NF1: variants seen among roughly 807,000 people sequenced by gnomAD.
NF1 encodes the protein neurofibromin 1, also known as neurofibromin.
NF1 carries 122 observed loss-of-function variants against 325.7 expected under a neutral mutation model. The observed-to-expected ratio is 0.37, with a 90% CI of 0.32 to 0.44. The LOEUF (loss-of-function observed/expected upper bound fraction) is 0.44. Among genes scored for constraint, NF1 ranks in the 20% least tolerant of loss-of-function variants. NF1 has a pLI of 1.00. For synonymous variants in NF1, 1,091 were observed against 1,186.0 expected, an observed-to-expected ratio of 0.92 and a Z score of 1.65; for missense variants, 2,140 against 3,415.4, an observed-to-expected ratio of 0.63 and a Z score of 9.31.
chr17:31,235,223 T>C (rs917192866), intron 27 of NF1, among the ~76,000 whole-genome samples: 2 of 152,208 alleles, frequency 1.3e-5, no homozygotes, highest in African/African-American at 2.4e-5. Context: ...ACTCTTCTGA[T>C]CATCAATCTT....
At chr17:31,163,121 T>A (rs1351738699) in intron 3 of NF1, 65 bp from the exon 4 acceptor site, 2 of 1,543,158 alleles carry the variant, frequency 1.3e-6, no homozygotes, top group African/African-American at 2.8e-5. Flanking sequence ...TTTGAAAATT[T>A]TCATAATAGA....
chr17:31,369,220 G>A (rs2070587543), intron 57 of NF1, among the ~76,000 whole-genome samples: 1 of 152,194 alleles, frequency 6.6e-6, no homozygotes, highest in African/African-American at 2.4e-5. Context: ...CACAAACCTT[G>A]ATACCTGCCT....
chr17:31,266,352 G>A (rs1235400211), intron 36 of NF1, among the ~76,000 whole-genome samples: 1 of 152,148 alleles, frequency 6.6e-6, no homozygotes, highest in Non-Finnish European at 1.5e-5. Context: ...CATTCAGATA[G>A]CCTTAAGACC....
chr17:31,334,702 A>G (rs1302499403), intron 39 of NF1, 136 bp from the exon 40 acceptor site: 1 of 690,892 alleles, frequency 1.4e-6, no homozygotes, highest in Non-Finnish European at 2.5e-6. Flanking sequence ...TATATTTGCC[A>G]AGTGTCTTTT....
At chr17:31,266,454 A>G (rs1222286183) in intron 36 of NF1, among the ~76,000 whole-genome samples, 5 of 152,064 alleles carry the variant, frequency 3.3e-5, no homozygotes, top group Non-Finnish European at 7.4e-5. Flanking sequence ...TAACAACTCT[A>G]AGTAACCCCT....
intron 3 of NF1, among the ~76,000 whole-genome samples, chr17:31,161,895 A>G (rs760075812): frequency 6.6e-5 from 10 of 151,720 alleles, no homozygotes; most frequent in South Asian, 2.1e-4. Context: ...AATTAGCCAG[A>G]TGTGGTGGCA....
At chr17:31,155,214 T>A (rs1304642816) in intron 1 of NF1, among the ~76,000 whole-genome samples, 2 of 152,206 alleles carry the variant, frequency 1.3e-5, no homozygotes, top group Non-Finnish European at 2.9e-5. Context: ...CAGGGTTTAA[T>A]ATTAACAGTA....
chr17:31,203,572 T>G (rs376119101), intron 11 of NF1, among the ~76,000 whole-genome samples: 3 of 152,156 alleles, frequency 2.0e-5, no homozygotes, highest in East Asian at 3.8e-4. Flanking sequence ...ATATAGAAAT[T>G]TATGAGATTG....
At chr17:31,363,346 C>T (rs942226265) in intron 57 of NF1, among the ~76,000 whole-genome samples, 7 of 151,870 alleles carry the variant, frequency 4.6e-5, no homozygotes, top group Admixed American at 4.6e-4. Context: ...TACAGAATAA[C>T]TCTTAATGGT....
intron 5 of NF1, among the ~76,000 whole-genome samples, chr17:31,174,084 AG>A (rs1411425400): frequency 6.6e-6 from 1 of 152,222 alleles, no homozygotes; most frequent in African/African-American, 2.4e-5. Flanking sequence ...CTTCATTAAA[AG>A]TCAACAGGAG....
At chr17:31,178,503 C>T (rs2066064525) in intron 5 of NF1, among the ~76,000 whole-genome samples, 2 of 152,160 alleles carry the variant, frequency 1.3e-5, no homozygotes, top group Non-Finnish European at 2.9e-5. Flanking sequence ...AACAAATTCA[C>T]ACATAACACT....
At chr17:31,154,227 T>C (rs898902366) in intron 1 of NF1, among the ~76,000 whole-genome samples, 6 of 152,022 alleles carry the variant, frequency 3.9e-5, no homozygotes, top group Non-Finnish European at 8.8e-5. Flanking sequence ...GGCTAACTTT[T>C]TGTATTTTTA....
rs1567849891 is a variant in NF1, at chr17:31,230,375, A to G, written c.3106A>G (p.Lys1036Glu). ...RDDLSFCQEMKFRNKMVEYLT... is the reference protein window; with the variant it reads ...RDDLSFCQEMEFRNKMVEYLT... ...TGACCTCTCATTTTGCCAAGAGATGAAATTTAGGTGAGTTCTCAAAAGAGC... is the reference window on the plus strand; with the variant it reads ...TGACCTCTCATTTTGCCAAGAGATGGAATTTAGGTGAGTTCTCAAAAGAGC... The change falls in exon 23 of 58, where the codon AAA becomes GAA. Residue 1036 changes from lysine (K) to glutamate (E), a missense_variant. By Grantham distance (56) the Lys-to-Glu change is moderately conservative. Around this residue, in one of 10 missense-constraint regions of NF1, gnomAD observed 380 missense variants for 639.3 expected, o/e 0.59. Coordinates refer to ENST00000358273, the MANE Select transcript of NF1 (RefSeq NM_001042492.3). 1 of 1,613,484 alleles carries G rather than the reference A, an allele frequency of 6.2e-7. No individual in the cohort carries two copies.
At chr17:31,322,150 C>T (rs1279491367) in intron 36 of NF1, among the ~76,000 whole-genome samples, 1 of 147,138 alleles carries the variant, frequency 6.8e-6, no homozygotes, top group East Asian at 2.0e-4. Context: ...ATCCTGTCAT[C>T]ACCTCAAGTT....
chr17:31,281,009 C>T (rs891137868), intron 36 of NF1, among the ~76,000 whole-genome samples: 31 of 152,124 alleles, frequency 2.0e-4, no homozygotes, highest in Admixed American at 1.6e-3. Flanking sequence ...CTATGAAATG[C>T]CTGTTTCATG....
At chr17:31,269,989 T>C (rs932212165) in intron 36 of NF1, among the ~76,000 whole-genome samples, 3 of 152,272 alleles carry the variant, frequency 2.0e-5, no homozygotes, top group African/African-American at 7.2e-5. Flanking sequence ...AAAGGAAAAT[T>C]GAATTGCTGT....
rs749460130 is a variant in NF1, at chr17:31,356,995, C to T, written c.7774C>T (p.His2592Tyr). Reference protein sequence around the residue: ...QRISSSQQHPHLRKVSVSESN... With the variant: ...QRISSSQQHPYLRKVSVSESN... ...GATTTCCTCATCACAACAGCACCCACATTTACGTAAAGTTTCAGTGTCTGA... is the reference window on the plus strand; with the variant it reads ...GATTTCCTCATCACAACAGCACCCATATTTACGTAAAGTTTCAGTGTCTGA... Residue 2592 changes from histidine to tyrosine, a missense_variant, in exon 53 of 58, where the codon CAT becomes TAT. Around this residue, in one of 10 missense-constraint regions of NF1, gnomAD observed 522 missense variants for 749.0 expected, o/e 0.70. Transcript: ENST00000358273. The T allele has an allele frequency of 1.2e-6, 2 of 1,613,852 alleles. No individual in the cohort carries two copies. The highest frequency in any genetic ancestry group is 1.7e-6 in the Non-Finnish European group (2 of 1,179,942).
chr17:31,096,821 G>A (rs1322184114), intron 1 of NF1, among the ~76,000 whole-genome samples: 4 of 152,210 alleles, frequency 2.6e-5, no homozygotes, highest in Non-Finnish European at 5.9e-5. Flanking sequence ...CCATTCGTAT[G>A]CTTCCAGACC....
chr17:31,110,507 C>T (rs942170495), intron 1 of NF1, among the ~76,000 whole-genome samples: 4 of 152,090 alleles, frequency 2.6e-5, no homozygotes, highest in Non-Finnish European at 5.9e-5. Context: ...AAATAGACAG[C>T]TCTTACTGAG....
Sources: allele counts gnomAD v4.1 joint callset (sites outside exome capture counted in the v4.1 genomes callset), GRCh38; gene constraint gnomAD v4.1.1; regional missense constraint gnomAD v4.1.1; transcripts MANE v1.5; gene names NCBI Gene and HGNC (gene_info 2026-07-23, HGNC 2026-07-21).